Variants in CACHD1 observed in about 807,000 individuals in gnomAD.
CACHD1 encodes the protein cache domain containing 1, also known as VWFA and cache domain-containing protein 1.
Under a neutral mutation model 138.7 loss-of-function variants are expected in CACHD1, and 71 were observed. That is an observed-to-expected ratio of 0.51 (90% CI 0.42 to 0.62). The LOEUF is 0.62. CACHD1 is among the 20% of genes least tolerant of loss of function. The pLI is 0.00. For synonymous variants in CACHD1, 578 were observed against 591.5 expected, an observed-to-expected ratio of 0.98 and a Z score of 0.33; for missense variants, 1,389 against 1,625.3, an observed-to-expected ratio of 0.85 and a Z score of 2.50.
At chr1:64,562,546 A>G (rs1257660632) in intron 2 of CACHD1, among the ~76,000 whole-genome samples, 3 of 148,256 alleles carry the variant, frequency 2.0e-5, no homozygotes, top group African/African-American at 7.5e-5. Flanking sequence ...AGTAGCTGGG[A>G]TTACAGGCAT....
intron 7 of CACHD1, among the ~76,000 whole-genome samples, chr1:64,640,242 A>G (rs1221755441): frequency 6.6e-6 from 1 of 152,230 alleles, no homozygotes; most frequent in African/African-American, 2.4e-5. Flanking sequence ...TCACTAAGGG[A>G]CCAAGTTTGA....
chr1:64,545,516 C>G (rs918768655), intron 1 of CACHD1, among the ~76,000 whole-genome samples: 1 of 152,208 alleles, frequency 6.6e-6, no homozygotes, highest in Admixed American at 6.5e-5. Flanking sequence ...TTGTGAGATT[C>G]ATCATGTTGA....
In CACHD1 at chr1:64,507,299, T is replaced by C. The variant is rs894869843; in HGVS notation, c.198+36357T>C. 1.6e-4 allele frequency among the ~76,000 whole-genome samples: 24 copies of C among 152,238 alleles called. 1 individual carries two copies. Among genetic ancestry groups the C allele is most frequent in the Admixed American group, 1.6e-3 (24 of 15,288 alleles). On this transcript the variant is annotated intron_variant, in intron 1 of 26. Transcript: ENST00000651257. ...GAGTCTTGCCTTATAGTTGGTTGTATCCAATCTGCCTGCCCCACTATGTTA... is the reference window on the plus strand; with the variant it reads ...GAGTCTTGCCTTATAGTTGGTTGTACCCAATCTGCCTGCCCCACTATGTTA...
rs1009639351 is a variant in CACHD1 at position 64,691,834 on chromosome 1, G to A, written c.*273G>A. ...ATAACACTAATGGAAGGTAACAGAA[G>A]GCGAACCTCCAAACACAGAGACGGA... On this transcript the variant is annotated 3_prime_UTR_variant, in exon 27 of 27. Coordinates refer to ENST00000651257, the MANE Select transcript of CACHD1 (RefSeq NM_020925.4). 2.5e-5 allele frequency: 11 copies of A among 433,196 alleles called. No individual in the cohort carries two copies. Among genetic ancestry groups the A allele is most frequent in the African/African-American group, 1.6e-4 (8 of 50,922 alleles). The allele number at this position is 433,196 out of a possible 1,614,324, so 26.8% of individuals were successfully genotyped here. A position where few individuals can be genotyped will look rare whatever the true frequency, so the allele number is the denominator to read the frequency against.
At chr1:64,605,720 T>C (rs962672081) in intron 4 of CACHD1, among the ~76,000 whole-genome samples, 1 of 152,186 alleles carries the variant, frequency 6.6e-6, no homozygotes, top group Middle Eastern at 3.2e-3. Context: ...CGGTCAGATC[T>C]TGGAGGATCT....
At chr1:64,540,066 G>A (rs1199278087) in intron 1 of CACHD1, among the ~76,000 whole-genome samples, 1 of 152,166 alleles carries the variant, frequency 6.6e-6, no homozygotes, top group Non-Finnish European at 1.5e-5. Context: ...TTGATTGCGT[G>A]AGACAGTAAT....
intron 1 of CACHD1, among the ~76,000 whole-genome samples, chr1:64,482,157 A>G (rs1183825566): frequency 6.6e-6 from 1 of 152,100 alleles, no homozygotes; most frequent in African/African-American, 2.4e-5. Flanking sequence ...TGATCATTGC[A>G]TTCATTTCTA....
At chr1:64,560,292 G>A (rs2100480976) in intron 2 of CACHD1, among the ~76,000 whole-genome samples, 1 of 151,732 alleles carries the variant, frequency 6.6e-6, no homozygotes, top group South Asian at 2.1e-4. Flanking sequence ...GTTTTAGGTT[G>A]GAACATTAGA....
intron 12 of CACHD1, among the ~76,000 whole-genome samples, chr1:64,656,695 C>T (rs1181161748): frequency 6.6e-6 from 1 of 151,842 alleles, no homozygotes; most frequent in Non-Finnish European, 1.5e-5. Flanking sequence ...GTAGTCACTT[C>T]AGGTAGCAGT....
intron 1 of CACHD1, among the ~76,000 whole-genome samples, chr1:64,479,725 T>C (rs958581929): frequency 1.3e-5 from 2 of 151,786 alleles, no homozygotes; most frequent in African/African-American, 4.9e-5. Flanking sequence ...GGATTGGGGC[T>C]CAAAGCATGT....
intron 1 of CACHD1, among the ~76,000 whole-genome samples, chr1:64,499,211 G>A (rs1282433631): frequency 6.6e-6 from 1 of 152,184 alleles, no homozygotes; most frequent in Non-Finnish European, 1.5e-5. Flanking sequence ...TGTTTATCAT[G>A]TTAGAGGACT....
At chr1:64,604,237 T>C (rs1389970269) in intron 4 of CACHD1, among the ~76,000 whole-genome samples, 2 of 152,234 alleles carry the variant, frequency 1.3e-5, no homozygotes, top group African/African-American at 4.8e-5. Flanking sequence ...AGCTGCTAGA[T>C]AAATGATCCA....
intron 16 of CACHD1, among the ~76,000 whole-genome samples, chr1:64,666,802 G>A (rs149915716): frequency 1.5e-4 from 20 of 134,808 alleles, no homozygotes; most frequent in African/African-American, 5.2e-4. Context: ...CACCCTGGGA[G>A]TTTGAGGCTG....
At chr1:64,642,073 C>T in intron 8 of CACHD1, 104 bp downstream of exon 8, 1 of 1,121,156 alleles carries the variant, frequency 8.9e-7, no homozygotes, top group Non-Finnish European at 1.2e-6. Context: ...TGGATGAAGG[C>T]TACGGGAAAA....
intron 16 of CACHD1, among the ~76,000 whole-genome samples, chr1:64,666,509 T>G (rs1183230285): frequency 6.6e-6 from 1 of 152,122 alleles, no homozygotes; most frequent in African/African-American, 2.4e-5. Context: ...TTTAAACTGA[T>G]GAAAGAAATA....
rs1352436967 is a variant in CACHD1, at chr1:64,681,322, A to G, written c.3471A>G (p.Glu1157=). ...DRDERDDDSH[E]DRGIISNTRF... ...ATGAAAGGGACGACGACAGCCACGA[A>G]GACAGAGGCATCAGTGAGTATTCAG... Residue 1157 remains glutamate (E), a synonymous_variant, in exon 25 of 27, where the codon GAA becomes GAG. Transcript: ENST00000651257. 1.9e-6 allele frequency: 3 copies of G among 1,613,704 alleles called. No individual in the cohort carries two copies. The South Asian group carries it at 3.3e-5, about 18-fold the overall frequency.
intron 3 of CACHD1, among the ~76,000 whole-genome samples, chr1:64,589,233 A>G (rs1354143359): frequency 6.6e-6 from 1 of 152,176 alleles, no homozygotes; most frequent in Non-Finnish European, 1.5e-5. Context: ...GAAGGCAGAT[A>G]GGACTCATCT....
At chr1:64,529,993 C>T (rs1233914715) in intron 1 of CACHD1, among the ~76,000 whole-genome samples, 1 of 152,186 alleles carries the variant, frequency 6.6e-6, no homozygotes, top group African/African-American at 2.4e-5. Flanking sequence ...CAAAAGATGC[C>T]TTCATAGCTA....
At position 64,470,413 on chromosome 1, in the gene CACHD1, C is replaced by T. The variant is rs1312878748; in HGVS notation, c.-332C>T. On this transcript the variant is annotated 5_prime_UTR_variant, in exon 1 of 27. Coordinates refer to ENST00000651257, the MANE Select transcript of CACHD1 (RefSeq NM_020925.4). The surrounding 1 kb of genome is among the most constrained non-coding windows in gnomAD (Gnocchi z 5.2). The stretch of plus-strand genomic sequence containing the variant: ...CCGACTCCGATTCCGACTGTCAGCC[C>T]CGGGGCCCGCGCACCCCGGCCTGCG... Among the ~76,000 whole-genome samples, 2 of 151,652 alleles carry T rather than the reference C, an allele frequency of 1.3e-5. No individual in the cohort carries two copies. Among genetic ancestry groups the T allele is most frequent in the South Asian group, 2.1e-4 (1 of 4,824 alleles).
Sources: gnomAD v4.1 joint callset for allele counts (sites outside exome capture counted in the v4.1 genomes callset) on GRCh38, gnomAD v4.1.1 for gene constraint, Gnocchi (gnomAD v3.1) non-coding constraint, MANE v1.5 for transcripts, NCBI Gene and HGNC (gene_info 2026-07-23, HGNC 2026-07-21) for gene names.